LRRIQ1: variants seen among roughly 807,000 people sequenced by gnomAD.
LRRIQ1 encodes leucine-rich repeat- and IQ domain-containing protein 1.
LRRIQ1 carries 210 observed loss-of-function variants against 211.9 expected under a neutral mutation model. That is an observed-to-expected ratio of 0.99 (90% CI 0.89 to 1.11). LRRIQ1 has a LOEUF of 1.11. Ranked by LOEUF, LRRIQ1 falls within the 50% of genes most tolerant of loss-of-function variation. The pLI is 0.00. For missense variants in LRRIQ1, 2,136 were observed against 1,939.5 expected, an observed-to-expected ratio of 1.10 and a Z score of -1.90; for synonymous variants, 699 against 650.1, an observed-to-expected ratio of 1.08 and a Z score of -1.14.
At chr12:85,083,866 T>C (rs1400441422) in intron 11 of LRRIQ1, among the ~76,000 whole-genome samples, 2 of 152,236 alleles carry the variant, frequency 1.3e-5, no homozygotes, top group Admixed American at 6.5e-5. Context: ...CAGATTGTTT[T>C]CTGTGCATTT....
chr12:85,244,979 G>T lies in LRRIQ1; in HGVS notation c.*38G>T. 1 of 1,597,034 alleles carries T rather than the reference G, an allele frequency of 6.3e-7. No individual in the cohort carries two copies. Among genetic ancestry groups the T allele is most frequent in the Non-Finnish European group, 8.5e-7 (1 of 1,169,992 alleles). On this transcript the variant is annotated 3_prime_UTR_variant, in exon 27 of 27. Coordinates refer to ENST00000393217, the MANE Select transcript of LRRIQ1 (RefSeq NM_001079910.2). Reference sequence around the variant, plus strand: ...AATTGATGGAACCTAATGCCAACAAGCATTCTTTTTCAGATAGGGGGTAGG... The same window carrying T: ...AATTGATGGAACCTAATGCCAACAATCATTCTTTTTCAGATAGGGGGTAGG...
intron 1 of LRRIQ1, among the ~76,000 whole-genome samples, chr12:85,254,780 A>G (rs970383740): frequency 6.6e-6 from 1 of 151,994 alleles, no homozygotes; most frequent in African/African-American, 2.4e-5. Flanking sequence ...CTACTCATTA[A>G]TGTTTTATTA....
chr12:85,167,296 A>T (rs1017142200), intron 24 of LRRIQ1, among the ~76,000 whole-genome samples: 1 of 152,274 alleles, frequency 6.6e-6, no homozygotes, highest in South Asian at 2.1e-4. Flanking sequence ...TGTATATATA[A>T]AGGGAATTTA....
chr12:85,217,498 ATATATATATATG>A (rs1894163960), intron 24 of LRRIQ1, among the ~76,000 whole-genome samples: 4 of 80,134 alleles, frequency 5.0e-5, no homozygotes, highest in African/African-American at 2.8e-4. Flanking sequence ...ATATGTATAT[ATATATATATATG>A]TGTGTGTGTG....
chr12:85,091,243 T>C (rs1478134616), intron 11 of LRRIQ1, among the ~76,000 whole-genome samples: 3 of 152,176 alleles, frequency 2.0e-5, no homozygotes, highest in African/African-American at 4.8e-5. Context: ...TTATAAATTG[T>C]CCAGTCTCGG....
chr12:85,098,577 T>A (rs1257546728), intron 12 of LRRIQ1, 29 bp downstream of exon 12: 1 of 1,530,378 alleles, frequency 6.5e-7, no homozygotes. Context: ...TTGATTTCTG[T>A]GATAAAGCAA....
At chr12:85,190,840 T>C (rs1263482334) in intron 24 of LRRIQ1, among the ~76,000 whole-genome samples, 2 of 151,934 alleles carry the variant, frequency 1.3e-5, no homozygotes, top group Non-Finnish European at 2.9e-5. Context: ...CTAAAGCCTT[T>C]TATCTCTAAC....
chr12:85,073,182 A>G (rs533554606), intron 11 of LRRIQ1, 84 bp downstream of exon 11: 2 of 861,478 alleles, frequency 2.3e-6, no homozygotes, highest in East Asian at 5.6e-5. Flanking sequence ...GGCAGTCACC[A>G]TCATCTCCTT....
the LRRIQ1 span, among the ~76,000 whole-genome samples, chr12:85,272,286 T>A: frequency 6.6e-6 from 1 of 152,206 alleles, no homozygotes; most frequent in African/African-American, 2.4e-5. Context: ...TAAAAAAGAA[T>A]GCAAGATTAA....
At chr12:85,191,932 A>G (rs1308838402) in intron 24 of LRRIQ1, among the ~76,000 whole-genome samples, 1 of 151,884 alleles carries the variant, frequency 6.6e-6, no homozygotes, top group Non-Finnish European at 1.5e-5. Flanking sequence ...TGTGGTGTCT[A>G]TTCAGGTCTT....
intron 24 of LRRIQ1, among the ~76,000 whole-genome samples, chr12:85,204,713 A>G (rs990296323): frequency 6.6e-6 from 1 of 151,866 alleles, no homozygotes; most frequent in Non-Finnish European, 1.5e-5. Flanking sequence ...GAATGATTGT[A>G]TTTTCCCAAT....
At chr12:85,134,542 T>A (rs1305711996) in intron 18 of LRRIQ1, among the ~76,000 whole-genome samples, 2 of 152,160 alleles carry the variant, frequency 1.3e-5, no homozygotes, top group South Asian at 4.1e-4. Context: ...ATGCTACTTA[T>A]TTACCCTCCT....
At chr12:85,242,235 C>T (rs7487659) in intron 26 of LRRIQ1, among the ~76,000 whole-genome samples, 1 of 151,784 alleles carries the variant, frequency 6.6e-6, no homozygotes, top group Non-Finnish European at 1.5e-5. Flanking sequence ...GAATAAATGT[C>T]GAATGTGTGA....
intron 24 of LRRIQ1, among the ~76,000 whole-genome samples, chr12:85,207,840 AT>A (rs1467111822): frequency 7.9e-5 from 12 of 151,976 alleles, no homozygotes; most frequent in African/African-American, 2.4e-4. Flanking sequence ...AGTTGACTAT[AT>A]TTTTGTGGAT....
At position 85,184,098 on chromosome 12, in the gene LRRIQ1, C is replaced by T. The variant is rs73165914; in HGVS notation, c.4822+23384C>T. Among the ~76,000 whole-genome samples the T allele has an allele frequency of 3.3e-3, 499 of 151,998 alleles. 1 individual carries two copies. Among genetic ancestry groups the T allele is most frequent in the Non-Finnish European group, 5.6e-3 (382 of 67,890 alleles). On this transcript the variant is annotated intron_variant, in intron 24 of 26. Coordinates refer to ENST00000393217, the MANE Select transcript of LRRIQ1 (RefSeq NM_001079910.2). ...AGGTTGTGACCCAGGTCTTAGAGTG[C>T]GAAACTCAGATAATTTTAGAAACAA...
At position 85,232,749 on chromosome 12, in the gene LRRIQ1, A is replaced by G. The variant is rs766504360; in HGVS notation, c.5009A>G (p.Gln1670Arg). ...GATGTACTTAATGGTGGAAGAGTTC[A>G]GCTTGTGGTAAGAAATGTGCTTAAA... is the stretch of plus-strand genomic sequence containing the variant. The part of the protein sequence containing the change: ...DPDVLNGGRV[Q>R]LVARLVSRED... Residue 1670 changes from glutamine to arginine, a missense_variant, in exon 26 of 27, where the codon CAG (glutamine) becomes CGG (arginine). By Grantham distance (43) the Gln-to-Arg change is conservative (BLOSUM62 1). Coordinates refer to ENST00000393217, the MANE Select transcript of LRRIQ1 (RefSeq NM_001079910.2). 34 of 1,612,172 alleles carry G rather than the reference A, an allele frequency of 2.1e-5. No homozygotes were observed. The South Asian group carries it at 3.6e-4, about 17-fold the overall frequency.
chr12:85,054,369 C>CG (rs1234413030), intron 7 of LRRIQ1, among the ~76,000 whole-genome samples: 1 of 152,196 alleles, frequency 6.6e-6, no homozygotes, highest in Non-Finnish European at 1.5e-5. Flanking sequence ...CACAGTAAAA[C>CG]TAACAGCTTA....
chr12:85,037,930 AAATC>A (rs1359556339), intron 1 of LRRIQ1, among the ~76,000 whole-genome samples: 3 of 151,920 alleles, frequency 2.0e-5, no homozygotes, highest in African/African-American at 7.2e-5. Context: ...ATAAACATAT[AAATC>A]AATAAGAGTA....
intron 25 of LRRIQ1, among the ~76,000 whole-genome samples, chr12:85,230,622 A>G (rs1284396038): frequency 6.6e-6 from 1 of 152,236 alleles, no homozygotes; most frequent in African/African-American, 2.4e-5. Flanking sequence ...GATATAAAGC[A>G]TATACGCATC....
Sources: gnomAD v4.1 joint callset for allele counts (sites outside exome capture counted in the v4.1 genomes callset) on GRCh38, gnomAD v4.1.1 for gene constraint, MANE v1.5 for transcripts, NCBI Gene and HGNC (gene_info 2026-07-23, HGNC 2026-07-21) for gene names.